Variants in RASGRF2 observed in about 807,000 individuals in gnomAD.
RASGRF2 encodes the protein ras-specific guanine nucleotide-releasing factor 2.
RASGRF2 carries 76 observed loss-of-function variants against 151.0 expected under a neutral mutation model. The ratio of observed to expected loss-of-function variants is 0.50; its 90% CI spans 0.42 to 0.61. The LOEUF (loss-of-function observed/expected upper bound fraction) is 0.61. Ranked by LOEUF, RASGRF2 falls within the 20% of genes least tolerant of loss-of-function variation. The pLI, the probability that RASGRF2 is intolerant of heterozygous loss-of-function variation, is 0.00. For synonymous variants in RASGRF2, 504 were observed against 566.5 expected (o/e 0.89, Z 1.57); for missense variants, 1,148 against 1,564.6 (o/e 0.73, Z 4.49).
At chr5:81,111,541 A>G (rs148408312) in intron 13 of RASGRF2, among the ~76,000 whole-genome samples, 1 of 152,302 alleles carries the variant, frequency 6.6e-6, no homozygotes, top group African/African-American at 2.4e-5. Context: ...ATAAAAACAT[A>G]ACATGTCACA....
chr5:81,155,785 C>T (rs943147085), intron 17 of RASGRF2, among the ~76,000 whole-genome samples: 1 of 152,088 alleles, frequency 6.6e-6, no homozygotes. Context: ...GATAGAGAGA[C>T]AGGAGATGTT....
At chr5:81,043,380 A>G (rs529383580) in intron 2 of RASGRF2, among the ~76,000 whole-genome samples, 20 of 152,314 alleles carry the variant, frequency 1.3e-4, no homozygotes, top group African/African-American at 4.8e-4. Flanking sequence ...TTCCTGCCTG[A>G]GGTCACACAG....
At chr5:81,187,517 A>G (rs1164144095) in intron 18 of RASGRF2, among the ~76,000 whole-genome samples, 2 of 152,184 alleles carry the variant, frequency 1.3e-5, no homozygotes, top group Non-Finnish European at 2.9e-5. Flanking sequence ...AAGGGGGCAC[A>G]CCTATATTAG....
chr5:81,080,221 T>G (rs547869482), intron 6 of RASGRF2, 21 bp downstream of exon 6: 2 of 1,584,270 alleles, frequency 1.3e-6, no homozygotes, highest in South Asian at 1.2e-5. Context: ...TCTTTAAAGG[T>G]GTAAGATTTT....
In RASGRF2 at chr5:81,149,188, A is replaced by T. The variant is rs546293303; in HGVS notation, c.2686+22025A>T. ...AAGACACACGATCATGCATGTTTAT[A>T]GCAGCACAACTCACAATTGCAGAAA... On this transcript the variant is annotated intron_variant, in intron 17 of 26. Coordinates refer to ENST00000265080, the MANE Select transcript of RASGRF2 (RefSeq NM_006909.3). 1.1e-4 allele frequency among the ~76,000 whole-genome samples: 17 copies of T among 152,356 alleles called. No homozygotes were observed. The South Asian group carries it at 3.1e-3, about 28-fold the overall frequency.
chr5:81,151,916 T>C (rs753569932), intron 17 of RASGRF2, among the ~76,000 whole-genome samples: 10 of 152,228 alleles, frequency 6.6e-5, no homozygotes, highest in African/African-American at 9.7e-5. Context: ...ATTATAATGC[T>C]TTATTCATTT....
At chr5:80,988,003 A>ATGTG (rs879470668) in intron 1 of RASGRF2, among the ~76,000 whole-genome samples, 61 of 128,172 alleles carry the variant, frequency 4.8e-4, no homozygotes, top group South Asian at 1.3e-3. Context: ...TTTGAAATAA[A>ATGTG]TGTGCGTGTG....
At chr5:80,976,938 C>T (rs1748134669) in intron 1 of RASGRF2, among the ~76,000 whole-genome samples, 1 of 152,196 alleles carries the variant, frequency 6.6e-6, no homozygotes, top group Non-Finnish European at 1.5e-5. Context: ...CTGTGCCATT[C>T]ACTGTGTGCG....
chr5:81,185,422 C>T lies in RASGRF2; in HGVS notation c.2793+5141C>T, dbSNP rs150211593. Among the ~76,000 whole-genome samples the T allele has an allele frequency of 3.6e-3, 549 of 152,276 alleles. 4 individuals are homozygous for T. Among genetic ancestry groups the T allele is most frequent in the African/African-American group, 0.013 (523 of 41,546 alleles). On this transcript the variant is annotated intron_variant, in intron 18 of 26. Transcript: ENST00000265080. Reference sequence around the variant, plus strand: ...TGGCCCTGCATCCTGCCCAAGAGGACGGCCTGGAGGGGTGACGCGTAGACA... The same window carrying T: ...TGGCCCTGCATCCTGCCCAAGAGGATGGCCTGGAGGGGTGACGCGTAGACA...
intron 1 of RASGRF2, among the ~76,000 whole-genome samples, chr5:80,988,694 G>A (rs1442353053): frequency 6.6e-6 from 1 of 152,152 alleles, no homozygotes; most frequent in Non-Finnish European, 1.5e-5. Context: ...TCCTCATAGA[G>A]TTGAGTCAGG....
chr5:81,018,473 A>G (rs1749713467), intron 1 of RASGRF2, among the ~76,000 whole-genome samples: 1 of 152,174 alleles, frequency 6.6e-6, no homozygotes, highest in Non-Finnish European at 1.5e-5. Context: ...CTGAAGGGCC[A>G]GACGTACCGG....
At chr5:81,007,751 C>T (rs1260839998) in intron 1 of RASGRF2, among the ~76,000 whole-genome samples, 1 of 152,164 alleles carries the variant, frequency 6.6e-6, no homozygotes, top group Non-Finnish European at 1.5e-5. Context: ...GCAGGTGCAA[C>T]TGAGACAGAA....
At chr5:81,186,551 T>A (rs545610376) in intron 18 of RASGRF2, among the ~76,000 whole-genome samples, 2 of 152,298 alleles carry the variant, frequency 1.3e-5, no homozygotes, top group East Asian at 3.9e-4. Context: ...TACTCTATCC[T>A]ATAAACACAG....
chr5:81,217,744 ATTT>A (rs201096563), intron 25 of RASGRF2, among the ~76,000 whole-genome samples: 1 of 129,050 alleles, frequency 7.7e-6, no homozygotes, highest in Non-Finnish European at 1.7e-5. Flanking sequence ...TGCCCAGCTA[ATTT>A]TTTTTTTTTT....
intron 1 of RASGRF2, among the ~76,000 whole-genome samples, chr5:80,992,120 C>T (rs1580175017): frequency 2.0e-5 from 1 of 48,788 alleles, no homozygotes; most frequent in Non-Finnish European, 5.8e-5. Flanking sequence ...GCCCAGTGCC[C>T]CAGCTGAATT....
At chr5:81,022,070 A>C (rs938039666) in intron 1 of RASGRF2, among the ~76,000 whole-genome samples, 1 of 152,206 alleles carries the variant, frequency 6.6e-6, no homozygotes, top group Non-Finnish European at 1.5e-5. Flanking sequence ...AGATCTTATG[A>C]TTGGATCATC....
intron 2 of RASGRF2, among the ~76,000 whole-genome samples, chr5:81,056,141 G>T (rs1017201379): frequency 2.0e-5 from 3 of 152,036 alleles, no homozygotes; most frequent in African/African-American, 7.2e-5. Context: ...GTTCTGCTCT[G>T]ATCTTAGTTA....
intron 17 of RASGRF2, among the ~76,000 whole-genome samples, chr5:81,144,386 A>G (rs968590673): frequency 7.2e-5 from 11 of 152,226 alleles, no homozygotes; most frequent in Admixed American, 6.5e-5. Flanking sequence ...TGTGTTCCTT[A>G]TTTATGCACC....
At chr5:81,037,820 T>C (rs1240721998) in intron 1 of RASGRF2, among the ~76,000 whole-genome samples, 1 of 152,198 alleles carries the variant, frequency 6.6e-6, no homozygotes, top group Non-Finnish European at 1.5e-5. Context: ...CATGTACCCC[T>C]CCTTGAAACC....
Sources: allele counts gnomAD v4.1 joint callset (sites outside exome capture counted in the v4.1 genomes callset), GRCh38; gene constraint gnomAD v4.1.1; transcripts MANE v1.5; gene names NCBI Gene and HGNC (gene_info 2026-07-23, HGNC 2026-07-21).